The following COMMD5 variants were observed in gnomAD, a reference collection of about 807,000 sequenced individuals.
COMMD5 encodes the protein COMM domain-containing protein 5.
Under a neutral mutation model 6.9 loss-of-function variants are expected in COMMD5, and 10 were observed. The observed-to-expected ratio is 1.44, with a 90% CI of 0.89 to 2.45. COMMD5 has a LOEUF of 2.45. COMMD5 is among the 30% of genes most tolerant of loss of function. The probability of loss-of-function intolerance (pLI) is 0.00; values close to 1 mark genes in which losing one functional copy is unlikely to be tolerated. For missense variants in COMMD5, 234 were observed against 287.8 expected (o/e 0.81, Z 1.35); for synonymous variants, 127 against 125.3 (o/e 1.01, Z -0.09).
chr8:144,843,044 G>A (rs149536664), intron 1 of COMMD5: 123 of 1,613,988 alleles, frequency 7.6e-5, no homozygotes, highest in South Asian at 1.4e-4. Flanking sequence ...TTTAGGTGGC[G>A]TTCACACCTA....
At chr8:144,838,597 C>CGGCTTGT (rs1829374680), downstream of COMMD5, 1 of 156,664 alleles carries the variant, frequency 6.4e-6, no homozygotes, top group African/African-American at 2.4e-5. Flanking sequence ...CAGAGGCCAC[C>CGGCTTGT]GGCTTGTAGG....
At chr8:144,842,754 A>G in intron 1 of COMMD5, 2 of 1,614,206 alleles carry the variant, frequency 1.2e-6, no homozygotes, top group Non-Finnish European at 1.7e-6. Flanking sequence ...TTCACACTGG[A>G]GAGAGGCCCT....
In COMMD5 at chr8:144,851,372, G is replaced by C. The variant is rs767522415; in HGVS notation, c.-34C>G. 8 of 1,577,368 alleles carry C rather than the reference G, an allele frequency of 5.1e-6. No individual in the cohort carries two copies. Among genetic ancestry groups the C allele is most frequent in the Non-Finnish European group, 6.9e-6 (8 of 1,158,826 alleles). ...CTTCCTCTTTGATCAGCCAGCCCAG[G>C]AGGTCGGTCCCAGATGCAGATGCCT... On this transcript the variant is annotated 5_prime_UTR_variant, in exon 2 of 2. Transcript: ENST00000305103.
upstream of COMMD5, chr8:144,853,300 C>T (rs912220367): frequency 6.6e-6 from 1 of 152,242 alleles, no homozygotes; most frequent in African/African-American, 2.4e-5. Flanking sequence ...CCGCGTCTCC[C>T]TCCCCGCCCG....
intron 1 of COMMD5, among the ~76,000 whole-genome samples, chr8:144,844,231 G>C (rs1217919342): frequency 6.6e-6 from 1 of 152,124 alleles, no homozygotes; most frequent in Non-Finnish European, 1.5e-5. Flanking sequence ...ATGCCTTACT[G>C]GGCCTGTCAG....
Position 144,850,844 on chromosome 8 carries a change from G to C in COMMD5, c.495C>G (p.Thr165=), listed in dbSNP as rs1302156525. 1 of 1,613,714 alleles carries C rather than the reference G, an allele frequency of 6.2e-7. No homozygotes were observed. The highest frequency in any genetic ancestry group is 1.7e-5 in the Admixed American group (1 of 60,008). Residue 165 remains threonine (T), a synonymous_variant, in exon 2 of 2, where the codon ACC becomes ACG. Coordinates refer to ENST00000305103, the MANE Select transcript of COMMD5 (RefSeq NM_014066.4). This position sits in a 1 kb window ranked among gnomAD's most constrained non-coding sequence, Gnocchi z 4.0. ...FRWRVDVAIS[T]SALARSLQPS... The stretch of plus-strand genomic sequence containing the variant: ...GCTGCAGGGAGCGAGCCAGGGCACT[G>C]GTGGAGATTGCTACATCCACCCGCC...
At chr8:144,842,292 A>T (rs1830036405) in intron 1 of COMMD5, 2 of 1,614,058 alleles carry the variant, frequency 1.2e-6, no homozygotes, top group Non-Finnish European at 8.5e-7. Flanking sequence ...TAAAAGCCTC[A>T]GACAGTCCAA....
chr8:144,843,838 T>G (rs1384374210), intron 1 of COMMD5: 2 of 152,174 alleles, frequency 1.3e-5, no homozygotes, highest in Admixed American at 6.5e-5. Flanking sequence ...TCACACTGGC[T>G]TCAACAATAC....
Position 144,842,601 on chromosome 8 carries a change from G to A in COMMD5, c.*117-858C>T, listed in dbSNP as rs773732807. ...TCCACACTGGAGAGAAACCCTATGT[G>A]TGTAATGACTGTGGAAAAGCCTTCA... On this transcript the variant is annotated intron_variant and NMD_transcript_variant, in intron 1 of 1. Transcript: ENST00000530332. 10 of 1,614,032 alleles carry A rather than the reference G, an allele frequency of 6.2e-6. No individual in the cohort carries two copies. The African/African-American group carries it at 1.2e-4, about 19-fold the overall frequency.
At chr8:144,852,291 C>T (rs749712817) in intron 1 of COMMD5, 2 of 152,334 alleles carry the variant, frequency 1.3e-5, no homozygotes, top group African/African-American at 2.4e-5. Context: ...CCAGCTGTTT[C>T]CACCACAGCC....
At chr8:144,846,170 A>G, downstream of COMMD5, 1 of 1,536,052 alleles carries the variant, frequency 6.5e-7, no homozygotes, top group Non-Finnish European at 8.7e-7. Context: ...AGCCATATGG[A>G]TGGTCTGAAA....
In COMMD5 at chr8:144,850,803, T is replaced by C. The variant is rs150878837; in HGVS notation, c.536A>G (p.Gln179Arg). The C allele has an allele frequency of 1.1e-4, 170 of 1,614,060 alleles. No homozygotes were observed. In the Middle Eastern group the frequency reaches 1.6e-3, roughly 16 times the overall value. The change falls in exon 2 of 2, where the codon CAG becomes CGG. Residue 179 changes from glutamine to arginine, a missense_variant. Physicochemically the swap from Gln to Arg is conservative, Grantham distance 43. Transcript: ENST00000305103. The surrounding 1 kb of genome is among the most constrained non-coding windows in gnomAD (Gnocchi z 4.0). ...ARSLQPSVLM[Q>R]LKLSDGSAYR... ...TGCTGACCCATCTGAAAGCTTCAGCTGCATCAGGACGCTCGGCTGCAGGGA... is the reference window on the plus strand; with the variant it reads ...TGCTGACCCATCTGAAAGCTTCAGCCGCATCAGGACGCTCGGCTGCAGGGA...
intron 1 of COMMD5, chr8:144,842,164 C>T: frequency 6.2e-7 from 1 of 1,614,118 alleles, no homozygotes; most frequent in Non-Finnish European, 8.5e-7. Flanking sequence ...GGTTAGACAC[C>T]AGAGAACTCA....
At chr8:144,838,862 AGCCCAGGAGGCAGAGCTTGCAGTG>A, downstream of COMMD5, 1 of 36,262 alleles carries the variant, frequency 2.8e-5, no homozygotes, top group Non-Finnish European at 1.0e-4. Context: ...GAATGGTGTG[AGCCCAGGAGGCAGAGCTTGCAGTG>A]AGCCGAGATT....
downstream of COMMD5, among the ~76,000 whole-genome samples, chr8:144,839,936 C>T (rs1829647372): frequency 6.6e-6 from 1 of 152,190 alleles, no homozygotes; most frequent in African/African-American, 2.4e-5. Flanking sequence ...TCTGCCGCTG[C>T]TCTTTATTTT....
downstream of COMMD5, among the ~76,000 whole-genome samples, chr8:144,840,125 G>A (rs1252870747): frequency 6.6e-6 from 1 of 152,220 alleles, no homozygotes; most frequent in Non-Finnish European, 1.5e-5. Context: ...CTTCACAGCA[G>A]GGGAAGGCTT....
intron 1 of COMMD5, chr8:144,841,831 A>C (rs373144270): frequency 2.5e-6 from 4 of 1,614,100 alleles, no homozygotes; most frequent in East Asian, 4.5e-5. Context: ...GAAACATACA[A>C]ATAACTGCCA....
At chr8:144,849,158 C>T (rs1830631485), downstream of COMMD5, among the ~76,000 whole-genome samples, 1 of 152,218 alleles carries the variant, frequency 6.6e-6, no homozygotes, top group Admixed American at 6.5e-5. Flanking sequence ...AGAAAGGCAA[C>T]ATGGTCCCAG....
At chr8:144,853,484 T>C (rs948811513), upstream of COMMD5, 2 of 152,186 alleles carry the variant, frequency 1.3e-5, no homozygotes, top group African/African-American at 4.8e-5. Context: ...CTGTCCCGTG[T>C]GGACGGTCTG....
Sources: gnomAD v4.1 joint callset for allele counts (sites outside exome capture counted in the v4.1 genomes callset) on GRCh38, gnomAD v4.1.1 for gene constraint, Gnocchi (gnomAD v3.1) non-coding constraint, MANE v1.5 for transcripts, NCBI Gene and HGNC (gene_info 2026-07-23, HGNC 2026-07-21) for gene names.